The following TUSC3 variants were observed in gnomAD, a reference collection of about 807,000 sequenced individuals.
TUSC3 encodes the protein dolichyl-diphosphooligosaccharide--protein glycosyltransferase subunit TUSC3.
A neutral mutation model predicts 44.8 loss-of-function variants in TUSC3; 45 were observed. That is an observed-to-expected ratio of 1.00 (90% CI 0.79 to 1.29). TUSC3 has a LOEUF of 1.29. Ranked by LOEUF, TUSC3 falls within the 50% of genes most tolerant of loss-of-function variation. The pLI, the probability that TUSC3 is intolerant of heterozygous loss-of-function variation, is 0.00. For missense variants in TUSC3, 519 were observed against 437.9 expected, an observed-to-expected ratio of 1.19 and a Z score of -1.65; for synonymous variants, 212 against 152.9, an observed-to-expected ratio of 1.39 and a Z score of -2.85.
intron 2 of TUSC3, among the ~76,000 whole-genome samples, chr8:15,647,283 C>G (rs1331897802): frequency 1.3e-5 from 2 of 152,166 alleles, no homozygotes; most frequent in African/African-American, 4.8e-5. Context: ...TTGATAACCC[C>G]TGACCCGCTC....
intron 6 of TUSC3, among the ~76,000 whole-genome samples, chr8:15,714,207 AT>A (rs1809974975): frequency 6.6e-6 from 1 of 152,174 alleles, no homozygotes; most frequent in Non-Finnish European, 1.5e-5. Flanking sequence ...TGAGGATAGA[AT>A]TTTGTAACAC....
At chr8:15,771,635 AATAAT>A (rs1188030125), downstream of TUSC3, among the ~76,000 whole-genome samples, 1 of 152,172 alleles carries the variant, frequency 6.6e-6, no homozygotes, top group East Asian at 1.9e-4. Context: ...GTGGAAAATA[AATAAT>A]ATAAAACAAC....
intron 6 of TUSC3, among the ~76,000 whole-genome samples, chr8:15,720,199 T>TACACACAC (rs1278052451): frequency 2.1e-3 from 211 of 100,868 alleles, no homozygotes; most frequent in African/African-American, 6.8e-3. Context: ...TGTATATATA[T>TACACACAC]ATACACACAC....
chr8:15,578,937 A>T (rs1356373120), intron 1 of TUSC3, among the ~76,000 whole-genome samples: 1 of 152,130 alleles, frequency 6.6e-6, no homozygotes, highest in African/African-American at 2.4e-5. Context: ...CTGTGAATCC[A>T]TCTGGTCCTG....
intron 2 of TUSC3, among the ~76,000 whole-genome samples, chr8:15,644,198 A>G (rs1174532620): frequency 6.6e-6 from 1 of 152,202 alleles, no homozygotes; most frequent in African/African-American, 2.4e-5. Flanking sequence ...ATAATAAAAT[A>G]TGGAGAAGAT....
At chr8:15,513,740 G>C (rs544307000) in intron 2 of TUSC3, among the ~76,000 whole-genome samples, 12 of 152,254 alleles carry the variant, frequency 7.9e-5, no homozygotes, top group Admixed American at 5.2e-4. Flanking sequence ...ATAAGCAGCA[G>C]GTTGGCTCTG....
rs146163791 is a variant in TUSC3, at chr8:15,581,607, G to T, written c.138+41039G>T. On this transcript the variant is annotated intron_variant, in intron 1 of 10. Coordinates refer to ENST00000503731, the MANE Select transcript of TUSC3 (RefSeq NM_006765.4). ...AGGTGTCAGTGTGCCCCTGCTGCGG[G>T]GTGCCTCCCAGTTAGGCTGCTTGGG... is the stretch of plus-strand genomic sequence containing the variant. 5.4e-5 allele frequency among the ~76,000 whole-genome samples: 8 copies of T among 149,306 alleles called. No homozygotes were observed. The South Asian group carries it at 1.7e-3, about 32-fold the overall frequency.
intron 2 of TUSC3, among the ~76,000 whole-genome samples, chr8:15,647,214 G>C (rs1169730168): frequency 6.6e-6 from 1 of 152,092 alleles, no homozygotes; most frequent in East Asian, 1.9e-4. Flanking sequence ...TTCTGCATAA[G>C]TAGCATCAAT....
the TUSC3 span, among the ~76,000 whole-genome samples, chr8:15,836,438 C>G: frequency 1.4e-4 from 21 of 149,658 alleles, no homozygotes; most frequent in African/African-American, 4.7e-4. Context: ...GATCACACCA[C>G]CGCACTCCAG....
intron 6 of TUSC3, among the ~76,000 whole-genome samples, chr8:15,687,865 C>G (rs1342527466): frequency 6.6e-6 from 1 of 152,030 alleles, no homozygotes; most frequent in Non-Finnish European, 1.5e-5. Flanking sequence ...ATTGTTTTCC[C>G]TGCTAACATT....
intron 1 of TUSC3, among the ~76,000 whole-genome samples, chr8:15,577,931 T>C (rs1483356426): frequency 2.0e-5 from 3 of 150,808 alleles, no homozygotes; most frequent in African/African-American, 4.9e-5. Flanking sequence ...TGATACTGAT[T>C]CTTCCTACCC....
chr8:15,531,952 A>AT (rs1293292526), intron 2 of TUSC3, among the ~76,000 whole-genome samples: 4 of 152,194 alleles, frequency 2.6e-5, no homozygotes, highest in African/African-American at 9.7e-5. Flanking sequence ...TCTATAAAAG[A>AT]AATTATTTTA....
intron 6 of TUSC3, among the ~76,000 whole-genome samples, chr8:15,709,712 A>C (rs1386936803): frequency 6.6e-6 from 1 of 151,850 alleles, no homozygotes; most frequent in Admixed American, 6.6e-5. Context: ...CTTATATGAA[A>C]TTGCCACTAT....
chr8:15,657,565 C>T (rs868322228), intron 3 of TUSC3, among the ~76,000 whole-genome samples: 1 of 152,158 alleles, frequency 6.6e-6, no homozygotes, highest in African/African-American at 2.4e-5. Flanking sequence ...GCATTCTGAT[C>T]ATAACCACTT....
intron 2 of TUSC3, among the ~76,000 whole-genome samples, chr8:15,506,085 C>T (rs1020653467): frequency 1.3e-5 from 2 of 152,166 alleles, no homozygotes; most frequent in Admixed American, 1.3e-4. Flanking sequence ...CCTGCCTTGA[C>T]GGGAGACTAT....
chr8:15,750,451 G>GT (rs1256523288), intron 9 of TUSC3, among the ~76,000 whole-genome samples: 1 of 151,880 alleles, frequency 6.6e-6, no homozygotes, highest in Admixed American at 6.6e-5. Context: ...TATTTTACTA[G>GT]TTTTTTATAA....
chr8:15,422,767 C>T (rs189048177), intron 1 of TUSC3, among the ~76,000 whole-genome samples: 145 of 151,978 alleles, frequency 9.5e-4, no homozygotes, highest in African/African-American at 3.4e-3. Flanking sequence ...CTCAGCCTCC[C>T]AGGTAATTAA....
chr8:15,617,138 A>ATTTT (rs71211064), intron 1 of TUSC3, among the ~76,000 whole-genome samples: 36 of 88,908 alleles, frequency 4.0e-4, no homozygotes, highest in Non-Finnish European at 4.5e-4. Flanking sequence ...GTGTGTATAT[A>ATTTT]TTTTTTTTTT....
chr8:15,669,036 T>C (rs1460528996), intron 5 of TUSC3, among the ~76,000 whole-genome samples: 1 of 151,738 alleles, frequency 6.6e-6, no homozygotes, highest in East Asian at 1.9e-4. Flanking sequence ...ACTGGACTCT[T>C]ATTGGAAAAC....
Sources: allele counts gnomAD v4.1 joint callset (sites outside exome capture counted in the v4.1 genomes callset), GRCh38; gene constraint gnomAD v4.1.1; transcripts MANE v1.5; gene names NCBI Gene and HGNC (gene_info 2026-07-23, HGNC 2026-07-21).